OTUD7A: variants seen among roughly 807,000 people sequenced by gnomAD.
OTUD7A encodes OTU domain-containing protein 7A.
Under a neutral mutation model 65.7 loss-of-function variants are expected in OTUD7A, and 12 were observed. That is an observed-to-expected ratio of 0.18 (90% confidence interval 0.12 to 0.30). The LOEUF (loss-of-function observed/expected upper bound fraction) is 0.30, where lower values mean the gene tolerates loss of function less well. Ranked by LOEUF, OTUD7A falls within the 10% of genes least tolerant of loss-of-function variation. The pLI, the probability that OTUD7A is intolerant of heterozygous loss-of-function variation, is 1.00. For synonymous variants in OTUD7A, 641 were observed against 586.3 expected, an observed-to-expected ratio of 1.09 and a Z score of -1.35; for missense variants, 1,148 against 1,304.8, an observed-to-expected ratio of 0.88 and a Z score of 1.85.
At chr15:31,709,833 T>C (rs1893395641) in intron 1 of OTUD7A, among the ~76,000 whole-genome samples, 1 of 152,174 alleles carries the variant, frequency 6.6e-6, no homozygotes, top group South Asian at 2.1e-4. Flanking sequence ...TACACACACA[T>C]ACATTATACA....
At chr15:31,667,728 AT>A in intron 1 of OTUD7A, among the ~76,000 whole-genome samples, 1 of 151,900 alleles carries the variant, frequency 6.6e-6, no homozygotes, top group East Asian at 1.9e-4. Context: ...TTTAACTTGT[AT>A]TTTTGTTTTA....
rs974511620 is a variant in OTUD7A, at chr15:31,487,385, T to TC, written c.1286+66dup. ...GGAGGAGCAGGGGTGGTACATTCCC[T>TC]CCCCAGGATGCCCCAGCCATAGCCC... On this transcript the variant is annotated intron_variant, in intron 11 of 12. Coordinates refer to ENST00000307050, the MANE Select transcript of OTUD7A (RefSeq NM_001382637.1). The surrounding 1 kb of genome is among the most constrained non-coding windows in gnomAD (Gnocchi z 6.0). 14 of 1,576,440 alleles carry TC rather than the reference T, an allele frequency of 8.9e-6. No homozygotes were observed. The highest frequency in any genetic ancestry group is 1.7e-4 in the Middle Eastern group (1 of 5,964).
intron 3 of OTUD7A, among the ~76,000 whole-genome samples, chr15:31,573,680 C>T (rs1889119964): frequency 6.6e-6 from 1 of 152,168 alleles, no homozygotes; most frequent in African/African-American, 2.4e-5. Flanking sequence ...GTAGGCAGAT[C>T]ACTTGAGGTC....
In OTUD7A at chr15:31,487,613, A is replaced by T. The variant is rs751935130; in HGVS notation, c.1172-47T>A. 4 of 1,519,230 alleles carry T rather than the reference A, an allele frequency of 2.6e-6. No homozygotes were observed. In the South Asian group the frequency reaches 4.7e-5, roughly 18 times the overall value. 94.1% of individuals were successfully genotyped at this position (1,519,230 alleles called of 1,614,324 possible). ...CGTGCTTGGAGCCCCGGCAGTCCCC[A>T]GGCAGGATGGCAAGGAAATTCCCAA... On this transcript the variant is annotated intron_variant, in intron 10 of 12. Coordinates refer to ENST00000307050, the MANE Select transcript of OTUD7A (RefSeq NM_001382637.1). This position sits in a 1 kb window ranked among gnomAD's most constrained non-coding sequence, Gnocchi z 6.0.
At chr15:31,553,781 G>T (rs930915758) in intron 5 of OTUD7A, among the ~76,000 whole-genome samples, 6 of 151,650 alleles carry the variant, frequency 4.0e-5, no homozygotes, top group Admixed American at 2.0e-4. Flanking sequence ...CCACCCCCAC[G>T]ACCCTGCCAG....
chr15:31,824,870 T>C (rs1310492506), intron 1 of OTUD7A, among the ~76,000 whole-genome samples: 1 of 152,220 alleles, frequency 6.6e-6, no homozygotes, highest in Non-Finnish European at 1.5e-5. Flanking sequence ...ATTCAATAGT[T>C]TTATTCAAAA....
intron 1 of OTUD7A, among the ~76,000 whole-genome samples, chr15:31,739,088 T>C (rs1481081440): frequency 1.3e-5 from 2 of 152,162 alleles, no homozygotes; most frequent in Non-Finnish European, 2.9e-5. Context: ...CACAGAGAAA[T>C]TTCTGGATGT....
intron 3 of OTUD7A, among the ~76,000 whole-genome samples, chr15:31,615,232 C>T (rs1890550536): frequency 6.6e-6 from 1 of 152,102 alleles, no homozygotes; most frequent in African/African-American, 2.4e-5. Flanking sequence ...TTTTACATTG[C>T]TTACATCTGA....
At chr15:31,799,962 C>T (rs1369510357) in intron 1 of OTUD7A, among the ~76,000 whole-genome samples, 1 of 152,132 alleles carries the variant, frequency 6.6e-6, no homozygotes, top group Non-Finnish European at 1.5e-5. Context: ...GGGGGAACCA[C>T]ACATTATGCT....
chr15:31,799,864 G>C (rs1391414364), intron 1 of OTUD7A, among the ~76,000 whole-genome samples: 1 of 152,060 alleles, frequency 6.6e-6, no homozygotes, highest in Non-Finnish European at 1.5e-5. Context: ...CACAGGCTGT[G>C]GTGGGACAGA....
chr15:31,847,541 A>G (rs1395313583), intron 1 of OTUD7A, among the ~76,000 whole-genome samples: 1 of 152,164 alleles, frequency 6.6e-6, no homozygotes, highest in Non-Finnish European at 1.5e-5. Flanking sequence ...TGGTTACTGC[A>G]GGGCTCTGTG....
intron 3 of OTUD7A, among the ~76,000 whole-genome samples, chr15:31,632,375 G>C (rs1891194759): frequency 6.6e-6 from 1 of 152,226 alleles, no homozygotes; most frequent in South Asian, 2.1e-4. Context: ...GTTTGCCTCA[G>C]TATCAGCAGC....
chr15:31,658,828 G>C (rs1194802741), intron 1 of OTUD7A, among the ~76,000 whole-genome samples: 1 of 151,090 alleles, frequency 6.6e-6, no homozygotes, highest in African/African-American at 2.4e-5. Context: ...TGGAGTTCAA[G>C]GGCAGCCTGG....
At chr15:31,615,157 A>G (rs1299750075) in intron 3 of OTUD7A, among the ~76,000 whole-genome samples, 2 of 152,236 alleles carry the variant, frequency 1.3e-5, no homozygotes, top group Admixed American at 6.5e-5. Context: ...ATCACATCCA[A>G]TGTAGGTAAA....
chr15:31,860,677 G>GTATATATATATATATATA (rs1555425282), intron 1 of OTUD7A, among the ~76,000 whole-genome samples: 799 of 73,220 alleles, frequency 0.011, 26 homozygotes, highest in East Asian at 0.035. Context: ...ATGTATGTGT[G>GTATATATATATATATATA]TATATATATA....
At chr15:31,653,443 G>A (rs1283318994) in intron 3 of OTUD7A, among the ~76,000 whole-genome samples, 1 of 151,818 alleles carries the variant, frequency 6.6e-6, no homozygotes, top group African/African-American at 2.4e-5. Flanking sequence ...AAAAGGAACC[G>A]GCTACTGACA....
rs1353864214 is a variant in OTUD7A at position 31,477,505 on chromosome 15, C to A, written c.*5789G>T. On this transcript the variant is annotated 3_prime_UTR_variant, in exon 13 of 13. Transcript: ENST00000307050. ...GGGCAGGCATTCACTTGTCTGTGAACAGAAGCCACCGCTGCTGCCCGGTGT... is the reference window on the plus strand; with the variant it reads ...GGGCAGGCATTCACTTGTCTGTGAAAAGAAGCCACCGCTGCTGCCCGGTGT... 6.6e-6 allele frequency: 1 copy of A among 152,196 alleles called. No homozygotes were observed. The highest frequency in any genetic ancestry group is 1.5e-5 in the Non-Finnish European group (1 of 68,042). The allele number at this position is 152,196 out of a possible 1,614,324, so 9.4% of individuals were successfully genotyped here.
Position 31,806,170 on chromosome 15 carries a change from C to T in OTUD7A, c.-100+64337G>A, listed in dbSNP as rs145247975. On this transcript the variant is annotated intron_variant, in intron 1 of 12. Transcript: ENST00000307050. The stretch of plus-strand genomic sequence containing the variant: ...TCCAGAGAACTAAGATCATTTTCTA[C>T]TGTTAAGCATTAGGGTAAGATTTTT... Among the ~76,000 whole-genome samples the T allele has an allele frequency of 6.0e-4, 91 of 152,258 alleles. 1 individual carries two copies. Among genetic ancestry groups the T allele is most frequent in the African/African-American group, 2.0e-3 (83 of 41,536 alleles).
intron 3 of OTUD7A, among the ~76,000 whole-genome samples, chr15:31,646,977 G>A (rs912464413): frequency 1.3e-5 from 2 of 152,222 alleles, no homozygotes; most frequent in Non-Finnish European, 2.9e-5. Flanking sequence ...GGAAGAATGT[G>A]TCTTCCTGAA....
Sources: allele counts gnomAD v4.1 joint callset (sites outside exome capture counted in the v4.1 genomes callset), GRCh38; gene constraint gnomAD v4.1.1; non-coding constraint Gnocchi (gnomAD v3.1); transcripts MANE v1.5; gene names NCBI Gene and HGNC (gene_info 2026-07-23, HGNC 2026-07-21).